Variants in AUTS2 observed in about 807,000 individuals in gnomAD.
AUTS2 encodes the protein activator of transcription and developmental regulator AUTS2, also known as autism susceptibility gene 2 protein.
AUTS2 carries 17 observed loss-of-function variants against 112.4 expected under a neutral mutation model. That is an observed-to-expected ratio of 0.15 (90% CI 0.10 to 0.23). The LOEUF (loss-of-function observed/expected upper bound fraction) is 0.23, where lower values mean the gene tolerates loss of function less well. Among genes scored for constraint, AUTS2 ranks in the 10% least tolerant of loss-of-function variants. AUTS2 has a pLI of 1.00. For synonymous variants in AUTS2, 751 were observed against 702.7 expected, an observed-to-expected ratio of 1.07 and a Z score of -1.09; for missense variants, 1,510 against 1,701.6, an observed-to-expected ratio of 0.89 and a Z score of 1.98.
chr7:70,553,518 C>T (rs1274330514), intron 5 of AUTS2, among the ~76,000 whole-genome samples: 1 of 152,124 alleles, frequency 6.6e-6, no homozygotes. Context: ...ACACACAGGT[C>T]TCACAAGGCA....
At chr7:70,707,188 C>T (rs1285873464) in intron 6 of AUTS2, among the ~76,000 whole-genome samples, 1 of 152,186 alleles carries the variant, frequency 6.6e-6, no homozygotes, top group Non-Finnish European at 1.5e-5. Flanking sequence ...CACAGCAGCT[C>T]TTAATTTAGA....
chr7:70,142,217 T>C (rs1188324977), intron 4 of AUTS2, among the ~76,000 whole-genome samples: 1 of 152,214 alleles, frequency 6.6e-6, no homozygotes, highest in Non-Finnish European at 1.5e-5. Context: ...GTTATCTCTC[T>C]GTCCTCCTAA....
At chr7:70,701,377 TA>T (rs1218287373) in intron 6 of AUTS2, among the ~76,000 whole-genome samples, 2 of 152,210 alleles carry the variant, frequency 1.3e-5, no homozygotes, top group Admixed American at 6.5e-5. Context: ...TTACCCTCTT[TA>T]GGTCAAGATT....
rs1440186410 is a variant in AUTS2, at chr7:70,194,432, TA to T, written c.660+59868del. 5.9e-5 allele frequency among the ~76,000 whole-genome samples: 9 copies of T among 152,066 alleles called. No individual in the cohort carries two copies. In the South Asian group the frequency reaches 1.9e-3, roughly 32 times the overall value. ...CAAAAATAAATAAATAAATAAAAAA[TA>T]AAAAAAGTTTGACCAGAGGACTACC... On this transcript the variant is annotated intron_variant, in intron 4 of 18. Transcript: ENST00000342771.
chr7:69,891,440 C>T (rs1794513874), intron 1 of AUTS2, among the ~76,000 whole-genome samples: 1 of 152,152 alleles, frequency 6.6e-6, no homozygotes, highest in Admixed American at 6.5e-5. Context: ...TAGGAGCATT[C>T]ATGTGTAGCT....
intron 10 of AUTS2, among the ~76,000 whole-genome samples, chr7:70,769,329 C>G (rs1368876035): frequency 6.6e-6 from 1 of 152,154 alleles, no homozygotes; most frequent in African/African-American, 2.4e-5. Flanking sequence ...TGGGTCTGGC[C>G]CATGGATGCC....
chr7:70,364,829 G>A (rs1176321382), intron 4 of AUTS2, among the ~76,000 whole-genome samples: 1 of 152,056 alleles, frequency 6.6e-6, no homozygotes. Flanking sequence ...TGTAAACACT[G>A]ACCAATGTGT....
At chr7:70,431,283 G>A (rs1795657039) in intron 4 of AUTS2, among the ~76,000 whole-genome samples, 3 of 152,072 alleles carry the variant, frequency 2.0e-5, no homozygotes, top group Admixed American at 2.0e-4. Context: ...AAGACGAGTG[G>A]GATTATATCC....
At chr7:70,332,924 A>G (rs1170216828) in intron 4 of AUTS2, among the ~76,000 whole-genome samples, 3 of 152,220 alleles carry the variant, frequency 2.0e-5, no homozygotes, top group Non-Finnish European at 4.4e-5. Flanking sequence ...CATGACTAAA[A>G]CACCAAAAGC....
chr7:70,418,683 C>T (rs1795090215), intron 4 of AUTS2, among the ~76,000 whole-genome samples: 1 of 150,714 alleles, frequency 6.6e-6, no homozygotes, highest in South Asian at 2.2e-4. Context: ...CTCCATCACA[C>T]GGGTGACGTT....
intron 1 of AUTS2, among the ~76,000 whole-genome samples, chr7:69,626,861 A>C (rs1452272899): frequency 6.6e-6 from 1 of 152,220 alleles, no homozygotes. Flanking sequence ...GTGTGATCTG[A>C]CAGCTAAATA....
chr7:70,014,563 G>C (rs1318867383), intron 2 of AUTS2, among the ~76,000 whole-genome samples: 1 of 152,050 alleles, frequency 6.6e-6, no homozygotes, highest in African/African-American at 2.4e-5. Flanking sequence ...TCCTCTAAAG[G>C]CTGTATTCTT....
chr7:70,095,887 T>C (rs1804169348), intron 2 of AUTS2, among the ~76,000 whole-genome samples: 1 of 152,196 alleles, frequency 6.6e-6, no homozygotes, highest in South Asian at 2.1e-4. Context: ...GGAACTATAC[T>C]TCACCTCTAT....
intron 2 of AUTS2, among the ~76,000 whole-genome samples, chr7:69,929,026 G>C (rs997282547): frequency 6.6e-6 from 1 of 152,156 alleles, no homozygotes; most frequent in Admixed American, 6.5e-5. Context: ...TTGCCTGAAG[G>C]CCTTCTTTTA....
At chr7:70,302,028 G>A (rs1008216268) in intron 4 of AUTS2, among the ~76,000 whole-genome samples, 3 of 151,796 alleles carry the variant, frequency 2.0e-5, no homozygotes, top group South Asian at 2.1e-4. Context: ...TCTGCCCACC[G>A]CACCCAGCTG....
chr7:69,820,687 G>A (rs1465812613), intron 1 of AUTS2, among the ~76,000 whole-genome samples: 2 of 152,214 alleles, frequency 1.3e-5, no homozygotes, highest in Non-Finnish European at 2.9e-5. Flanking sequence ...TCAAGGCAGT[G>A]TTTGCTGGGG....
chr7:70,442,522 G>T (rs1013349430), intron 5 of AUTS2, among the ~76,000 whole-genome samples: 2 of 151,950 alleles, frequency 1.3e-5, no homozygotes, highest in Middle Eastern at 3.2e-3. Context: ...ATGGAGTCTC[G>T]CTCTGTCACC....
intron 10 of AUTS2, among the ~76,000 whole-genome samples, chr7:70,768,874 TTTC>T (rs1220789837): frequency 7.9e-6 from 1 of 127,308 alleles, no homozygotes; most frequent in Middle Eastern, 3.4e-3. Context: ...TTGCCAGTGA[TTTC>T]TTTTTTTTTT....
intron 4 of AUTS2, among the ~76,000 whole-genome samples, chr7:70,246,331 C>T (rs7791761): frequency 0.14 from 21,406 of 152,016 alleles, 2,298 homozygotes; most frequent in East Asian, 0.53. Flanking sequence ...ATCTTTTACA[C>T]TTAATTCATT....
Sources: gnomAD v4.1 joint callset for allele counts (sites outside exome capture counted in the v4.1 genomes callset) on GRCh38, gnomAD v4.1.1 for gene constraint, MANE v1.5 for transcripts, NCBI Gene and HGNC (gene_info 2026-07-23, HGNC 2026-07-21) for gene names.